Variants in TRAPPC8 observed in about 807,000 individuals in gnomAD.
TRAPPC8 encodes the protein trafficking protein particle complex subunit 8.
A neutral mutation model predicts 174.3 loss-of-function variants in TRAPPC8; 54 were observed. The observed-to-expected ratio is 0.31, with a 90% confidence interval of 0.25 to 0.39. The LOEUF (loss-of-function observed/expected upper bound fraction) is 0.39, where lower values mean the gene tolerates loss of function less well. Ranked by LOEUF, TRAPPC8 falls within the 10% of genes least tolerant of loss-of-function variation. The pLI is 1.00. For synonymous variants in TRAPPC8, 630 were observed against 579.9 expected (o/e 1.09, Z -1.24); for missense variants, 1,531 against 1,699.1 (o/e 0.90, Z 1.74).
chr18:31,942,553 T>A, intron 1 of TRAPPC8, 55 bp downstream of exon 1: 1 of 1,476,274 alleles, frequency 6.8e-7, no homozygotes, highest in Non-Finnish European at 9.0e-7. Context: ...CGCAACTTCC[T>A]TCTCCCGACC....
chr18:31,846,773 T>C lies in TRAPPC8; in HGVS notation c.3780A>G (p.Gln1260=), dbSNP rs1568038906. Residue 1260 remains glutamine, a synonymous_variant, in exon 26 of 29, where the codon CAA becomes CAG. Transcript: ENST00000283351. ...EDSKQLILEG[Q]HHVILRTIGK... is the part of the protein sequence containing the mutation. ...CTATAGTGCGAAGAATAACATGATGTTGACCTTCCAAAATAAGCTGTTTAC... is the reference window on the plus strand; with the variant it reads ...CTATAGTGCGAAGAATAACATGATGCTGACCTTCCAAAATAAGCTGTTTAC... The C allele has an allele frequency of 1.2e-6, 2 of 1,613,146 alleles. No individual in the cohort carries two copies. The highest frequency in any genetic ancestry group is 2.2e-5 in the East Asian group (1 of 44,870).
At chr18:31,856,276 TG>T (rs2034006327) in intron 20 of TRAPPC8, among the ~76,000 whole-genome samples, 1 of 152,144 alleles carries the variant, frequency 6.6e-6, no homozygotes, top group African/African-American at 2.4e-5. Context: ...CTATAATTTT[TG>T]TATTTTTAGT....
At chr18:31,913,574 G>A (rs1412791714) in intron 4 of TRAPPC8, 52 bp from the exon 5 acceptor site, 5 of 1,411,406 alleles carry the variant, frequency 3.5e-6, no homozygotes, top group Non-Finnish European at 4.7e-6. Context: ...CAGGCCTTAG[G>A]CAATAATAGA....
At chr18:31,843,022 A>G (rs1347769645) in intron 26 of TRAPPC8, among the ~76,000 whole-genome samples, 2 of 152,210 alleles carry the variant, frequency 1.3e-5, no homozygotes. Context: ...AAAGGTGAAT[A>G]TATTTTCAAG....
intron 16 of TRAPPC8, 65 bp downstream of exon 16, chr18:31,870,307 A>G: frequency 6.9e-7 from 1 of 1,454,138 alleles, no homozygotes; most frequent in Non-Finnish European, 9.3e-7. Flanking sequence ...GTACATTGAA[A>G]TGTTACTACA....
At chr18:31,836,975 G>A (rs2032778770) in intron 27 of TRAPPC8, among the ~76,000 whole-genome samples, 1 of 151,958 alleles carries the variant, frequency 6.6e-6, no homozygotes, top group East Asian at 1.9e-4. Context: ...TGTTAGCCAG[G>A]ATGGTCTTGA....
chr18:31,879,166 G>A (rs764313550), intron 12 of TRAPPC8, among the ~76,000 whole-genome samples: 1 of 152,092 alleles, frequency 6.6e-6, no homozygotes, highest in African/African-American at 2.4e-5. Flanking sequence ...GACAACTACA[G>A]GATATACATT....
At chr18:31,932,742 T>A (rs932995211) in intron 1 of TRAPPC8, among the ~76,000 whole-genome samples, 1 of 148,698 alleles carries the variant, frequency 6.7e-6, no homozygotes, top group African/African-American at 2.5e-5. Context: ...AGCACTTTAG[T>A]AGGTAGAGGT....
intron 1 of TRAPPC8, among the ~76,000 whole-genome samples, chr18:31,941,672 A>G (rs1568165120): frequency 2.6e-5 from 4 of 152,346 alleles, no homozygotes; most frequent in Non-Finnish European, 5.9e-5. Flanking sequence ...AAAATGGTAC[A>G]GCACTGATTT....
intron 12 of TRAPPC8, among the ~76,000 whole-genome samples, chr18:31,888,766 A>C (rs577323902): frequency 1.3e-5 from 2 of 152,286 alleles, no homozygotes; most frequent in South Asian, 4.1e-4. Context: ...GTTGAGGGGT[A>C]GGGTGGGAGA....
intron 26 of TRAPPC8, 114 bp from the exon 27 acceptor site, chr18:31,839,571 G>A: frequency 1.1e-6 from 1 of 934,176 alleles, no homozygotes; most frequent in Non-Finnish European, 1.5e-6. Context: ...TGTAATGCAT[G>A]AACAGTACTT....
At chr18:31,868,944 T>TGAAAA (rs1454718088) in intron 16 of TRAPPC8, among the ~76,000 whole-genome samples, 2 of 151,896 alleles carry the variant, frequency 1.3e-5, no homozygotes, top group African/African-American at 4.8e-5. Context: ...AAGGCAATCT[T>TGAAAA]GAAAAAATCA....
At chr18:31,890,931 G>A in intron 11 of TRAPPC8, 65 bp from the exon 12 acceptor site, 3 of 1,463,932 alleles carry the variant, frequency 2.0e-6, no homozygotes, top group Admixed American at 4.5e-5. Context: ...GATAACTAGT[G>A]AAAAAAACAT....
intron 2 of TRAPPC8, chr18:31,926,351 T>C (rs1192497263): frequency 1.3e-5 from 2 of 152,196 alleles, no homozygotes; most frequent in Non-Finnish European, 2.9e-5. Flanking sequence ...TAGAGATTTC[T>C]TGAAGGAGCC....
At chr18:31,844,605 G>A (rs1381447846) in intron 26 of TRAPPC8, 5 of 151,744 alleles carry the variant, frequency 3.3e-5, no homozygotes, top group Admixed American at 2.0e-4. Context: ...TATACCACCT[G>A]TCAGGAGGAA....
At chr18:31,858,064 T>A (rs1568053250) in intron 19 of TRAPPC8, 82 bp from the exon 20 acceptor site, 2 of 1,256,560 alleles carry the variant, frequency 1.6e-6, no homozygotes, top group Non-Finnish European at 2.2e-6. Flanking sequence ...GACACTTTTT[T>A]TTTTTTTTAC....
intron 1 of TRAPPC8, among the ~76,000 whole-genome samples, chr18:31,934,684 G>A (rs1485672352): frequency 2.1e-4 from 31 of 150,762 alleles, no homozygotes; most frequent in Non-Finnish European, 4.4e-5. Context: ...CCTGGCCAAC[G>A]TGGTGAAACC....
At chr18:31,899,644 G>A (rs1475329534) in intron 10 of TRAPPC8, among the ~76,000 whole-genome samples, 1 of 152,178 alleles carries the variant, frequency 6.6e-6, no homozygotes. Context: ...CTTCACTGAA[G>A]CTTAATAAAA....
intron 9 of TRAPPC8, among the ~76,000 whole-genome samples, chr18:31,904,599 T>C (rs1443423385): frequency 6.6e-6 from 1 of 152,234 alleles, no homozygotes; most frequent in African/African-American, 2.4e-5. Context: ...GATAGTTCCA[T>C]GAATGACAAT....
Sources: allele counts gnomAD v4.1 joint callset (sites outside exome capture counted in the v4.1 genomes callset), GRCh38; gene constraint gnomAD v4.1.1; transcripts MANE v1.5; gene names NCBI Gene and HGNC (gene_info 2026-07-23, HGNC 2026-07-21).